Variants in LRPPRC observed in about 807,000 individuals in gnomAD.
LRPPRC encodes the protein leucine-rich PPR motif-containing protein, mitochondrial.
In LRPPRC, 120 loss-of-function variants were observed where a neutral mutation model predicts 180.3. That is an observed-to-expected ratio of 0.67 (90% CI 0.57 to 0.77). The LOEUF is 0.77. LRPPRC is among the 30% of genes least tolerant of loss of function. The pLI is 0.00. For missense variants in LRPPRC, 2,012 were observed against 1,657.2 expected, an observed-to-expected ratio of 1.21 and a Z score of -3.72; for synonymous variants, 723 against 600.0, an observed-to-expected ratio of 1.21 and a Z score of -3.00.
In LRPPRC at chr2:43,890,845, T is replaced by A. The variant is rs947993616; in HGVS notation, c.3986-969A>T. 5.9e-5 allele frequency among the ~76,000 whole-genome samples: 9 copies of A among 152,352 alleles called. No homozygotes were observed. The South Asian group carries it at 1.9e-3, about 32-fold the overall frequency. On this transcript the variant is annotated intron_variant, in intron 36 of 37. Transcript: ENST00000260665. ...ACTTGTGGCTGATTTGTGGAAATTT[T>A]TTAGTTTACCATGGAGATGGTAAGG... is the stretch of plus-strand genomic sequence containing the variant.
intron 23 of LRPPRC, among the ~76,000 whole-genome samples, chr2:43,943,145 C>A (rs1053436634): frequency 2.0e-5 from 3 of 151,986 alleles, no homozygotes; most frequent in Non-Finnish European, 2.9e-5. Context: ...ATTTACATTG[C>A]AAATAATGCC....
intron 19 of LRPPRC, 141 bp from the exon 20 acceptor site, chr2:43,947,511 C>T: frequency 1.5e-6 from 1 of 657,338 alleles, no homozygotes; most frequent in African/African-American, 1.8e-5. Context: ...ATTGGGGAAT[C>T]CATGGATGGA....
intron 17 of LRPPRC, 105 bp from the exon 18 acceptor site, chr2:43,948,304 T>A: frequency 2.2e-6 from 2 of 914,120 alleles, no homozygotes; most frequent in Admixed American, 3.4e-5. Flanking sequence ...CTCCAACTCT[T>A]GCATGTCATT....
chr2:43,951,699 G>A (rs1478475832), intron 14 of LRPPRC, among the ~76,000 whole-genome samples: 1 of 152,098 alleles, frequency 6.6e-6, no homozygotes, highest in East Asian at 1.9e-4. Flanking sequence ...TTAAAGCTGG[G>A]GGATGGGTAC....
chr2:43,954,353 C>G (rs1211252426), intron 14 of LRPPRC, among the ~76,000 whole-genome samples: 3 of 152,074 alleles, frequency 2.0e-5, no homozygotes, highest in African/African-American at 7.2e-5. Flanking sequence ...ATGCTCTAAC[C>G]CTGCTTAATA....
chr2:43,935,644 G>C (rs991040578), intron 23 of LRPPRC, among the ~76,000 whole-genome samples: 3 of 146,690 alleles, frequency 2.0e-5, no homozygotes, highest in Non-Finnish European at 4.5e-5. Flanking sequence ...CTATATTCTT[G>C]TGGGTCCTTA....
chr2:43,960,489 T>C (rs1673301126), intron 13 of LRPPRC, 52 bp downstream of exon 13: 2 of 988,794 alleles, frequency 2.0e-6, no homozygotes, highest in African/African-American at 1.6e-5. Context: ...ATGCCCTCAA[T>C]AGTAACTGAA....
At chr2:43,907,956 A>C (rs1293488747) in intron 30 of LRPPRC, among the ~76,000 whole-genome samples, 1 of 152,220 alleles carries the variant, frequency 6.6e-6, no homozygotes, top group Non-Finnish European at 1.5e-5. Flanking sequence ...TACATGTAAA[A>C]ATATAGGCAT....
chr2:43,935,026 G>T (rs191870186), intron 23 of LRPPRC, 148 bp from the exon 24 acceptor site: 6 of 594,106 alleles, frequency 1.0e-5, no homozygotes, highest in Non-Finnish European at 1.8e-5. Context: ...TAAAATGGGG[G>T]AAAAAAAGAA....
At chr2:43,899,437 G>A (rs759598668) in intron 33 of LRPPRC, 29 bp downstream of exon 33, 19 of 1,613,758 alleles carry the variant, frequency 1.2e-5, no homozygotes, top group Non-Finnish European at 1.6e-5. Context: ...ATGTGCTTGT[G>A]TGTTCTTTAG....
At chr2:43,938,087 T>C (rs1338468252) in intron 23 of LRPPRC, among the ~76,000 whole-genome samples, 7 of 152,042 alleles carry the variant, frequency 4.6e-5, no homozygotes, top group Non-Finnish European at 8.8e-5. Flanking sequence ...AAGCTTCACA[T>C]ACAAATATTT....
At chr2:43,948,697 G>A (rs1672787853) in intron 16 of LRPPRC, among the ~76,000 whole-genome samples, 179 bp from the exon 17 acceptor site, 1 of 152,152 alleles carries the variant, frequency 6.6e-6, no homozygotes, top group African/African-American at 2.4e-5. Context: ...TATCTAACTG[G>A]TGAGTGAAAG....
intron 23 of LRPPRC, among the ~76,000 whole-genome samples, chr2:43,938,233 T>A (rs1401029966): frequency 6.6e-6 from 1 of 151,658 alleles, no homozygotes; most frequent in Non-Finnish European, 1.5e-5. Flanking sequence ...ATAGACTACA[T>A]AATTTTCATG....
chr2:43,976,951 T>C (rs1358055403), intron 5 of LRPPRC, 43 bp downstream of exon 5: 2 of 1,493,664 alleles, frequency 1.3e-6, no homozygotes, highest in Non-Finnish European at 1.9e-6. Flanking sequence ...ATTTACAAAA[T>C]GTACAAATTT....
chr2:43,944,163 TAGC>T, intron 22 of LRPPRC, among the ~76,000 whole-genome samples: 1 of 152,084 alleles, frequency 6.6e-6, no homozygotes, highest in Non-Finnish European at 1.5e-5. Context: ...GTCTGCCCTA[TAGC>T]TGTAAGATCC....
chr2:43,899,077 G>GT (rs1481023297), intron 34 of LRPPRC, 142 bp downstream of exon 34: 2 of 692,230 alleles, frequency 2.9e-6, no homozygotes. Flanking sequence ...TCCTGCAACC[G>GT]TGATTCACAC....
At chr2:43,905,015 T>G (rs1456070900) in intron 31 of LRPPRC, among the ~76,000 whole-genome samples, 1 of 152,120 alleles carries the variant, frequency 6.6e-6, no homozygotes, top group Non-Finnish European at 1.5e-5. Flanking sequence ...TCAAAACTCA[T>G]AAACAGCCTC....
At chr2:43,959,839 G>T (rs1053106654) in intron 13 of LRPPRC, among the ~76,000 whole-genome samples, 6 of 152,146 alleles carry the variant, frequency 3.9e-5, no homozygotes, top group Non-Finnish European at 8.8e-5. Flanking sequence ...AGTCAAGTTC[G>T]CACCACTGCA....
At chr2:43,990,343 C>T (rs987858993) in intron 1 of LRPPRC, among the ~76,000 whole-genome samples, 11 of 152,192 alleles carry the variant, frequency 7.2e-5, no homozygotes, top group African/African-American at 2.2e-4. Context: ...TCTCAAGAAA[C>T]GGATCTTTTC....
Sources: gnomAD v4.1 joint callset for allele counts (sites outside exome capture counted in the v4.1 genomes callset) on GRCh38, gnomAD v4.1.1 for gene constraint, MANE v1.5 for transcripts, NCBI Gene and HGNC (gene_info 2026-07-23, HGNC 2026-07-21) for gene names.